The following TUBGCP3 variants were observed in gnomAD, a reference collection of about 807,000 sequenced individuals.
TUBGCP3 encodes gamma-tubulin complex component 3.
Under a neutral mutation model 123.1 loss-of-function variants are expected in TUBGCP3, and 50 were observed. The observed-to-expected ratio is 0.41, with a 90% confidence interval of 0.32 to 0.51. TUBGCP3 has a LOEUF of 0.51. Among genes scored for constraint, TUBGCP3 ranks in the 20% least tolerant of loss-of-function variants. TUBGCP3 has a pLI of 0.36. For synonymous variants in TUBGCP3, 405 were observed against 413.9 expected (o/e 0.98, Z 0.26); for missense variants, 882 against 1,127.0 (o/e 0.78, Z 3.11).
At chr13:112,530,659 A>T (rs528565029) in intron 11 of TUBGCP3, among the ~76,000 whole-genome samples, 1,958 of 152,322 alleles carry the variant, frequency 0.013, 45 homozygotes, top group African/African-American at 0.043. Context: ...TCCCCTCGTA[A>T]TCCATGGGAC....
At chr13:112,504,567 A>T in intron 18 of TUBGCP3, 59 bp downstream of exon 18, 1 of 1,194,752 alleles carries the variant, frequency 8.4e-7, no homozygotes, top group Non-Finnish European at 1.2e-6. Flanking sequence ...TATATATACC[A>T]TGTAAAAGCC....
upstream of TUBGCP3, among the ~76,000 whole-genome samples, chr13:112,589,252 A>T (rs1205678272): frequency 6.6e-6 from 1 of 152,222 alleles, no homozygotes; most frequent in Non-Finnish European, 1.5e-5. Flanking sequence ...TCCAGATGTC[A>T]TCTAAATCCT....
At chr13:112,592,830 T>C (rs1420468450), upstream of TUBGCP3, among the ~76,000 whole-genome samples, 1 of 152,088 alleles carries the variant, frequency 6.6e-6, no homozygotes, top group Non-Finnish European at 1.5e-5. This position sits in a 1 kb window ranked among gnomAD's most constrained non-coding sequence, Gnocchi z 4.1. Context: ...CCACACACCA[T>C]GAGGCAGCCA....
intron 1 of TUBGCP3, among the ~76,000 whole-genome samples, chr13:112,578,558 C>CAAAAAAAAAAA (rs71131496): frequency 8.8e-4 from 22 of 24,912 alleles, no homozygotes; most frequent in East Asian, 3.8e-3. Context: ...GACTCCGTCT[C>CAAAAAAAAAAA]AAAAAAAAAA....
chr13:112,550,785 A>G (rs1879497280), intron 8 of TUBGCP3, among the ~76,000 whole-genome samples: 1 of 152,220 alleles, frequency 6.6e-6, no homozygotes, highest in Non-Finnish European at 1.5e-5. Flanking sequence ...ACATAAACAC[A>G]TCAAAGCTTT....
chr13:112,590,256 G>A (rs1390716277), upstream of TUBGCP3, among the ~76,000 whole-genome samples: 2 of 152,124 alleles, frequency 1.3e-5, no homozygotes, highest in Admixed American at 6.5e-5. Context: ...GATTACAGGC[G>A]TGAGCCACCG....
chr13:112,487,286 C>A (rs1031480133), intron 21 of TUBGCP3, among the ~76,000 whole-genome samples: 2 of 152,138 alleles, frequency 1.3e-5, no homozygotes, highest in Non-Finnish European at 2.9e-5. Context: ...CTTTCACAGT[C>A]AATGGCGATA....
At chr13:112,581,237 G>A (rs201508594) in intron 1 of TUBGCP3, among the ~76,000 whole-genome samples, 2 of 152,126 alleles carry the variant, frequency 1.3e-5, no homozygotes, top group African/African-American at 4.8e-5. Context: ...AGACACAAGC[G>A]CACTGTGTCA....
rs189275170 is a variant in TUBGCP3 at position 112,516,082 on chromosome 13, T to C, written c.2086+358A>G. On this transcript the variant is annotated intron_variant, in intron 17 of 21. Coordinates refer to ENST00000261965, the MANE Select transcript of TUBGCP3 (RefSeq NM_006322.6). ...CTTGACTATCTGATACCTAAGAATT[T>C]TTACTATAGTTTTAGATTGTTTTAA... Among the ~76,000 whole-genome samples the C allele has an allele frequency of 2.0e-5, 3 of 152,360 alleles. No homozygotes were observed. In the East Asian group the frequency reaches 5.8e-4, roughly 29 times the overall value.
chr13:112,558,874 G>C (rs1880270989), intron 4 of TUBGCP3, among the ~76,000 whole-genome samples: 1 of 152,140 alleles, frequency 6.6e-6, no homozygotes, highest in Non-Finnish European at 1.5e-5. Flanking sequence ...CAGACTCTGG[G>C]GCACAGAGCA....
chr13:112,594,722 G>A, the TUBGCP3 span, among the ~76,000 whole-genome samples: 3 of 152,198 alleles, frequency 2.0e-5, no homozygotes, highest in Non-Finnish European at 2.9e-5. Flanking sequence ...TTCTGTCTAA[G>A]CACTGCTTTG....
chr13:112,583,737 G>GT (rs1882424341), intron 1 of TUBGCP3, among the ~76,000 whole-genome samples: 2 of 152,208 alleles, frequency 1.3e-5, no homozygotes, highest in African/African-American at 2.4e-5. Flanking sequence ...CTGCCTTCCT[G>GT]TTTCTTGTCG....
intron 3 of TUBGCP3, among the ~76,000 whole-genome samples, chr13:112,560,184 A>G (rs1262365800): frequency 1.3e-5 from 2 of 150,708 alleles, no homozygotes; most frequent in Admixed American, 6.6e-5. Context: ...TAATCCCAGC[A>G]CTTTGGGAGG....
chr13:112,519,916 G>C lies in TUBGCP3; in HGVS notation c.1851C>G (p.Ile617Met). The part of the protein sequence containing the change: ...ATNAQFDSPE[I>M]LRRLDVRLLE... ...GCAGCCGCACGTCCAGCCTTCGCAG[G>C]ATCTCAGGACTGTCAAACTGTGCGT... The change falls in exon 15 of 22, where the codon ATC (isoleucine) becomes ATG (methionine). Residue 617 changes from isoleucine to methionine, a missense_variant. Coordinates refer to ENST00000261965, the MANE Select transcript of TUBGCP3 (RefSeq NM_006322.6). The surrounding 1 kb of genome is among the most constrained non-coding windows in gnomAD (Gnocchi z 6.2). 6.2e-7 allele frequency: 1 copy of C among 1,613,800 alleles called. No homozygotes were observed. The highest frequency in any genetic ancestry group is 8.5e-7 in the Non-Finnish European group (1 of 1,179,782).
chr13:112,562,975 A>T (rs1051049033), intron 3 of TUBGCP3, among the ~76,000 whole-genome samples: 2 of 152,210 alleles, frequency 1.3e-5, no homozygotes, highest in African/African-American at 4.8e-5. Flanking sequence ...CAGCACCTGC[A>T]CGCTGTTCCC....
At chr13:112,551,438 G>T (rs1437160597) in intron 8 of TUBGCP3, among the ~76,000 whole-genome samples, 1 of 152,210 alleles carries the variant, frequency 6.6e-6, no homozygotes, top group African/African-American at 2.4e-5. Context: ...ACTGACACAG[G>T]ACATAAATTA....
intron 14 of TUBGCP3, chr13:112,521,655 T>C (rs1876636785): frequency 1.9e-5 from 19 of 984,970 alleles, no homozygotes; most frequent in Non-Finnish European, 2.3e-5. Flanking sequence ...AGGGAACATT[T>C]ATCTTACTTT....
At chr13:112,498,366 T>C (rs563082076) in intron 20 of TUBGCP3, among the ~76,000 whole-genome samples, 1 of 152,360 alleles carries the variant, frequency 6.6e-6, no homozygotes, top group Admixed American at 6.5e-5. Context: ...AATTCATTTA[T>C]GCTTCATACA....
chr13:112,550,415 A>G (rs118132902), intron 8 of TUBGCP3, among the ~76,000 whole-genome samples: 1 of 152,216 alleles, frequency 6.6e-6, no homozygotes, highest in Non-Finnish European at 1.5e-5. Context: ...GAAAATGAAC[A>G]TAAAACATAC....
Sources: allele counts gnomAD v4.1 joint callset (sites outside exome capture counted in the v4.1 genomes callset), GRCh38; gene constraint gnomAD v4.1.1; non-coding constraint Gnocchi (gnomAD v3.1); transcripts MANE v1.5; gene names NCBI Gene and HGNC (gene_info 2026-07-23, HGNC 2026-07-21).